ZNF385D: variants seen among roughly 807,000 people sequenced by gnomAD.
ZNF385D encodes the protein zinc finger protein 385D.
In ZNF385D, 15 loss-of-function variants were observed where a neutral mutation model predicts 35.8. The ratio of observed to expected loss-of-function variants is 0.42; its 90% CI spans 0.28 to 0.64. The LOEUF (loss-of-function observed/expected upper bound fraction) is 0.64, where lower values mean the gene tolerates loss of function less well. ZNF385D is among the 30% of genes least tolerant of loss of function. The pLI, the probability that ZNF385D is intolerant of heterozygous loss-of-function variation, is 0.23. For missense variants in ZNF385D, 474 were observed against 494.6 expected (o/e 0.96, Z 0.39); for synonymous variants, 212 against 186.8 (o/e 1.13, Z -1.10).
intron 3 of ZNF385D, among the ~76,000 whole-genome samples, chr3:22,046,033 A>G (rs1380029828): frequency 1.3e-5 from 2 of 152,168 alleles, no homozygotes; most frequent in South Asian, 2.1e-4. Context: ...AGCACTTGTT[A>G]GTATAATAAT....
intron 3 of ZNF385D, among the ~76,000 whole-genome samples, chr3:22,154,471 C>T (rs1232194584): frequency 6.6e-6 from 1 of 152,182 alleles, no homozygotes; most frequent in African/African-American, 2.4e-5. Flanking sequence ...CTGAATTCCT[C>T]CTCTCTGCCA....
intron 2 of ZNF385D, among the ~76,000 whole-genome samples, chr3:22,199,875 T>G (rs988665947): frequency 2.0e-5 from 3 of 152,082 alleles, no homozygotes; most frequent in Admixed American, 1.3e-4. Context: ...TGAAATTTTA[T>G]AAAAAGAGAC....
At chr3:21,961,336 C>T (rs1250976586) in intron 3 of ZNF385D, 1 of 151,926 alleles carries the variant, frequency 6.6e-6, no homozygotes, top group Non-Finnish European at 1.5e-5. Flanking sequence ...ATCAATTTGG[C>T]CAATTTTATG....
At chr3:22,160,459 T>C (rs1435243300) in intron 3 of ZNF385D, among the ~76,000 whole-genome samples, 1 of 152,114 alleles carries the variant, frequency 6.6e-6, no homozygotes, top group African/African-American at 2.4e-5. Flanking sequence ...GATAAAAATC[T>C]ATGAAGCTAT....
chr3:22,101,544 C>A (rs1414960604), intron 3 of ZNF385D, among the ~76,000 whole-genome samples: 1 of 151,930 alleles, frequency 6.6e-6, no homozygotes, highest in Non-Finnish European at 1.5e-5. Context: ...ATTATTACAC[C>A]CACACTGAAC....
chr3:21,690,579 C>T lies in ZNF385D; in HGVS notation c.23-25551G>A, dbSNP rs528891254. Among the ~76,000 whole-genome samples the T allele has an allele frequency of 2.6e-5, 4 of 152,312 alleles. 1 individual carries two copies. The South Asian group carries it at 8.3e-4, about 32-fold the overall frequency. On this transcript the variant is annotated intron_variant, in intron 1 of 7. Coordinates refer to ENST00000281523, the MANE Select transcript of ZNF385D (RefSeq NM_024697.3). ...TCATGTTCTTTGACAATGTTGGCAT[C>T]TAAACAGAGTCCTCTTTCTTTATCT... is the stretch of plus-strand genomic sequence containing the variant.
At chr3:22,252,789 A>G (rs1034667388) in intron 2 of ZNF385D, among the ~76,000 whole-genome samples, 2 of 152,098 alleles carry the variant, frequency 1.3e-5, no homozygotes, top group African/African-American at 4.8e-5. Flanking sequence ...GCATGTTTGA[A>G]TAAGTTTAAC....
At chr3:22,062,451 C>T (rs991685772) in intron 3 of ZNF385D, among the ~76,000 whole-genome samples, 2 of 152,134 alleles carry the variant, frequency 1.3e-5, no homozygotes, top group East Asian at 1.9e-4. Context: ...AAGTTCATAA[C>T]TAAGGAAATA....
At chr3:22,269,608 T>C (rs1205947005) in intron 2 of ZNF385D, among the ~76,000 whole-genome samples, 1 of 151,746 alleles carries the variant, frequency 6.6e-6, no homozygotes, top group Non-Finnish European at 1.5e-5. Context: ...TCCAAGAAAA[T>C]GCACAGATTG....
At chr3:22,175,929 A>T (rs1046689011) in intron 2 of ZNF385D, among the ~76,000 whole-genome samples, 1 of 149,192 alleles carries the variant, frequency 6.7e-6, no homozygotes, top group African/African-American at 2.4e-5. Context: ...TATAATATAT[A>T]AAATCATATT....
Position 22,200,068 on chromosome 3 carries a change from G to C in ZNF385D, c.107-31033C>G, listed in dbSNP as rs545337430. Among the ~76,000 whole-genome samples the C allele has an allele frequency of 2.0e-5, 3 of 152,142 alleles. No individual in the cohort carries two copies. The East Asian group carries it at 5.8e-4, about 30-fold the overall frequency. On this transcript the variant is annotated intron_variant, in intron 2 of 5. Coordinates refer to the ZNF385D transcript ENST00000494108. ...GCACAGAAAGGTTAAGATCATACAAGTAAAAGCTGTCAAAGACAGAATAGG... is the reference window on the plus strand; with the variant it reads ...GCACAGAAAGGTTAAGATCATACAACTAAAAGCTGTCAAAGACAGAATAGG...
At chr3:22,112,860 C>A (rs564077262) in intron 3 of ZNF385D, among the ~76,000 whole-genome samples, 14 of 152,174 alleles carry the variant, frequency 9.2e-5, no homozygotes, top group Admixed American at 5.9e-4. Flanking sequence ...AAAACAGAAG[C>A]AATTTTCTAC....
chr3:21,527,347 C>T (rs555579109), intron 3 of ZNF385D, among the ~76,000 whole-genome samples: 30 of 152,224 alleles, frequency 2.0e-4, no homozygotes, highest in African/African-American at 7.2e-4. Flanking sequence ...AGTGCTATAC[C>T]TTCGTACAGT....
At chr3:21,681,324 A>AAAT (rs1491397837) in intron 1 of ZNF385D, among the ~76,000 whole-genome samples, 2 of 148,850 alleles carry the variant, frequency 1.3e-5, no homozygotes, top group African/African-American at 5.0e-5. Context: ...AAAAAAAAAA[A>AAAT]CCTACATTTT....
At chr3:21,781,310 C>T (rs1285718079) in intron 3 of ZNF385D, among the ~76,000 whole-genome samples, 2 of 152,004 alleles carry the variant, frequency 1.3e-5, no homozygotes, top group East Asian at 3.9e-4. Context: ...GCAATCTAAA[C>T]CTCTTGCCTA....
intron 3 of ZNF385D, among the ~76,000 whole-genome samples, chr3:22,081,063 T>G (rs1420689292): frequency 6.6e-6 from 1 of 152,168 alleles, no homozygotes; most frequent in African/African-American, 2.4e-5. Flanking sequence ...TCCAGATATC[T>G]CCAACTAAAT....
chr3:21,906,457 G>T (rs573467098), intron 3 of ZNF385D, among the ~76,000 whole-genome samples: 10 of 152,282 alleles, frequency 6.6e-5, no homozygotes, highest in African/African-American at 2.2e-4. Context: ...GAACTACTCT[G>T]AGCTTTACCA....
intron 4 of ZNF385D, 151 bp downstream of exon 4, chr3:21,510,710 A>T (rs1707137930): frequency 9.2e-7 from 1 of 1,087,080 alleles, no homozygotes; most frequent in Non-Finnish European, 1.3e-6. Context: ...GGTTTGGAAA[A>T]ATGAGAGGAA....
At chr3:21,602,634 G>A (rs1199245888) in intron 2 of ZNF385D, among the ~76,000 whole-genome samples, 2 of 144,652 alleles carry the variant, frequency 1.4e-5, no homozygotes, top group African/African-American at 5.2e-5. Flanking sequence ...CCGGGTTCAC[G>A]CCATTCTCCT....
Sources: allele counts gnomAD v4.1 joint callset (sites outside exome capture counted in the v4.1 genomes callset), GRCh38; gene constraint gnomAD v4.1.1; transcripts MANE v1.5; gene names NCBI Gene and HGNC (gene_info 2026-07-23, HGNC 2026-07-21).